The following GMPS variants were observed in gnomAD, a reference collection of about 807,000 sequenced individuals.
The protein encoded by GMPS is guanosine monophosphate synthase.
In GMPS, 15 loss-of-function variants were observed where a neutral mutation model predicts 77.9. The ratio of observed to expected loss-of-function variants is 0.19; its 90% CI spans 0.13 to 0.30. The LOEUF is 0.30. Ranked by LOEUF, GMPS falls within the 10% of genes least tolerant of loss-of-function variation. GMPS has a pLI of 1.00. For missense variants in GMPS, 590 were observed against 838.8 expected, an observed-to-expected ratio of 0.70 and a Z score of 3.66; for synonymous variants, 224 against 275.9, an observed-to-expected ratio of 0.81 and a Z score of 1.86.
intron 3 of GMPS, among the ~76,000 whole-genome samples, chr3:155,899,782 A>G (rs1171177534): frequency 6.6e-6 from 1 of 152,048 alleles, no homozygotes; most frequent in Non-Finnish European, 1.5e-5. Context: ...GCAACCACTG[A>G]TATTTTTTTA....
At chr3:155,886,710 G>A (rs1434299980) in intron 1 of GMPS, among the ~76,000 whole-genome samples, 1 of 133,008 alleles carries the variant, frequency 7.5e-6, no homozygotes, top group African/African-American at 3.0e-5. Flanking sequence ...GTTTCATCAT[G>A]TTAGCCAGGT....
At chr3:155,892,359 A>G (rs1754491638) in intron 1 of GMPS, among the ~76,000 whole-genome samples, 1 of 151,952 alleles carries the variant, frequency 6.6e-6, no homozygotes, top group South Asian at 2.1e-4. Context: ...TTTAAAATAT[A>G]CAAACAAACA....
intron 4 of GMPS, among the ~76,000 whole-genome samples, chr3:155,904,294 CT>C (rs200187226): frequency 3.8e-4 from 55 of 145,178 alleles, no homozygotes; most frequent in East Asian, 6.0e-4. Context: ...TTTTCTTTTT[CT>C]TTTTTTTTTT....
At chr3:155,922,076 T>C (rs1755331091) in intron 10 of GMPS, 111 bp from the exon 11 acceptor site, 4 of 546,784 alleles carry the variant, frequency 7.3e-6, no homozygotes. Flanking sequence ...GGCAGATGGA[T>C]TTTAATTTTG....
At position 155,941,710 on chromosome 3, in the gene GMPS, C is replaced by T. The variant is rs1317607410; in HGVS notation, c.*4018C>T. 1 of 222,318 alleles carries T rather than the reference C, an allele frequency of 4.5e-6. No homozygotes were observed. Among genetic ancestry groups the T allele is most frequent in the Admixed American group, 5.8e-5 (1 of 17,348 alleles). 13.8% of individuals were successfully genotyped at this position (222,318 alleles called of 1,614,324 possible). ...GTTGGATGTCTCCACCCTTGGAAAG[C>T]ACATCTTTTGTTCTTACTGAAGTAG... On this transcript the variant is annotated 3_prime_UTR_variant, in exon 16 of 16. Transcript: ENST00000496455.
At chr3:155,897,598 T>G (rs538408242) in intron 2 of GMPS, among the ~76,000 whole-genome samples, 7 of 152,334 alleles carry the variant, frequency 4.6e-5, no homozygotes, top group Admixed American at 3.9e-4. Context: ...TCTTACGTAC[T>G]TCTTCCATTG....
At chr3:155,906,303 C>T (rs755585266) in intron 5 of GMPS, 40 bp downstream of exon 5, 2 of 1,210,738 alleles carry the variant, frequency 1.7e-6, no homozygotes, top group South Asian at 1.3e-5. Context: ...ATTTAAAAAA[C>T]TTTATCTGAA....
In GMPS at chr3:155,938,687, A is replaced by G. The variant is rs1277675219; in HGVS notation, c.*995A>G. The G allele has an allele frequency of 5.0e-6, 1 of 201,406 alleles. No individual in the cohort carries two copies. The highest frequency in any genetic ancestry group is 2.3e-5 in the African/African-American group (1 of 43,610). The allele number at this position is 201,406 out of a possible 1,614,324, so 12.5% of individuals were successfully genotyped here. A position where few individuals can be genotyped will look rare whatever the true frequency, so the allele number is the denominator to read the frequency against. ...TAAAATGAGCTTTTAAATCTAATCTATAGACATATTATTCATTGCTCAGAC... is the reference window on the plus strand; with the variant it reads ...TAAAATGAGCTTTTAAATCTAATCTGTAGACATATTATTCATTGCTCAGAC... On this transcript the variant is annotated 3_prime_UTR_variant, in exon 16 of 16. Transcript: ENST00000496455.
intron 1 of GMPS, among the ~76,000 whole-genome samples, chr3:155,877,611 T>C (rs1167642757): frequency 6.6e-6 from 1 of 152,128 alleles, no homozygotes. Flanking sequence ...GATTTGCCAA[T>C]TGTCTTAGTC....
chr3:155,883,092 GAC>G (rs1243068386), intron 1 of GMPS, among the ~76,000 whole-genome samples: 1 of 152,064 alleles, frequency 6.6e-6, no homozygotes, highest in Non-Finnish European at 1.5e-5. Context: ...TTCTGTTTGA[GAC>G]AGAGTCTCAC....
At chr3:155,874,484 AAAC>A (rs1270843189) in intron 1 of GMPS, among the ~76,000 whole-genome samples, 1 of 152,234 alleles carries the variant, frequency 6.6e-6, no homozygotes, top group Non-Finnish European at 1.5e-5. Flanking sequence ...ACTGAGAATT[AAAC>A]AACTATATCA....
At chr3:155,884,821 A>G (rs958000743) in intron 1 of GMPS, among the ~76,000 whole-genome samples, 4 of 152,214 alleles carry the variant, frequency 2.6e-5, no homozygotes, top group African/African-American at 7.2e-5. Flanking sequence ...GGTGGGTGCT[A>G]GAACTGGTAA....
chr3:155,937,789 G>T lies in GMPS; in HGVS notation c.*97G>T. ...CAGTACTGTGAAAAGAGTTACTGGA[G>T]CAGCTACATCACATCTGAGTTCTCC... On this transcript the variant is annotated 3_prime_UTR_variant, in exon 16 of 16. Transcript: ENST00000496455. 1.5e-6 allele frequency: 1 copy of T among 667,946 alleles called. No homozygotes were observed. 41.4% of individuals were successfully genotyped at this position (667,946 alleles called of 1,614,324 possible). A position where few individuals can be genotyped will look rare whatever the true frequency, so the allele number is the denominator to read the frequency against.
chr3:155,912,397 AGGTCCCCAATGGTATCTTCACAT>A (rs1171008863), intron 7 of GMPS, among the ~76,000 whole-genome samples: 1 of 152,242 alleles, frequency 6.6e-6, no homozygotes, highest in Non-Finnish European at 1.5e-5. Context: ...CATCCTGGGA[AGGTCCCCAATGGTATCTTCACAT>A]GGTGATAGGT....
At chr3:155,915,329 C>T (rs1195818929) in intron 8 of GMPS, among the ~76,000 whole-genome samples, 1 of 150,212 alleles carries the variant, frequency 6.7e-6, no homozygotes, top group East Asian at 2.0e-4. Flanking sequence ...CTTTCACCTG[C>T]TGGGTTCAAG....
At chr3:155,903,168 C>T (rs1754771036) in intron 3 of GMPS, among the ~76,000 whole-genome samples, 1 of 152,184 alleles carries the variant, frequency 6.6e-6, no homozygotes, top group Non-Finnish European at 1.5e-5. Flanking sequence ...GTGTTTATAT[C>T]ACTGCAGATC....
chr3:155,931,641 C>A, intron 12 of GMPS, 124 bp from the exon 13 acceptor site: 1 of 506,636 alleles, frequency 2.0e-6, no homozygotes, highest in East Asian at 3.5e-5. Flanking sequence ...AATAATGTCA[C>A]CATGCATAAG....
intron 10 of GMPS, 68 bp from the exon 11 acceptor site, chr3:155,922,119 T>G (rs1755332634): frequency 3.0e-6 from 2 of 657,970 alleles, no homozygotes; most frequent in Admixed American, 3.8e-5. Flanking sequence ...TAGTGGCATT[T>G]TTATATTAGA....
chr3:155,879,363 G>A (rs1434652320), intron 1 of GMPS, among the ~76,000 whole-genome samples: 2 of 147,298 alleles, frequency 1.4e-5, no homozygotes, highest in Non-Finnish European at 3.0e-5. Flanking sequence ...CACCTCCCCA[G>A]TTCAAACGAT....
Sources: gnomAD v4.1 joint callset for allele counts (sites outside exome capture counted in the v4.1 genomes callset) on GRCh38, gnomAD v4.1.1 for gene constraint, MANE v1.5 for transcripts, NCBI Gene and HGNC (gene_info 2026-07-23, HGNC 2026-07-21) for gene names.